The following CFAP61 variants were observed in gnomAD, a reference collection of about 807,000 sequenced individuals.
CFAP61 encodes the protein cilia and flagella associated protein 61, also known as cilia- and flagella-associated protein 61.
A neutral mutation model predicts 135.6 loss-of-function variants in CFAP61; 107 were observed. The observed-to-expected ratio is 0.79, with a 90% CI of 0.67 to 0.93. The LOEUF (loss-of-function observed/expected upper bound fraction) is 0.93, where lower values mean the gene tolerates loss of function less well. Ranked by LOEUF, CFAP61 falls within the 40% of genes least tolerant of loss-of-function variation. The probability of loss-of-function intolerance (pLI) is 0.00; values close to 1 mark genes in which losing one functional copy is unlikely to be tolerated. For missense variants in CFAP61, 1,507 were observed against 1,556.2 expected (o/e 0.97, Z 0.53); for synonymous variants, 575 against 578.5 (o/e 0.99, Z 0.09).
chr20:20,314,006 C>A, intron 25 of CFAP61, among the ~76,000 whole-genome samples: 1 of 152,236 alleles, frequency 6.6e-6, no homozygotes, highest in African/African-American at 2.4e-5. Context: ...AGAATGGCAC[C>A]AGCTATTCAT....
In CFAP61 at chr20:20,169,284, T is replaced by A. The variant is rs556323017; in HGVS notation, c.1246-37T>A. ...AATTTGTTTTTTGATTAATTTTTTT[T>A]ATTCTTTCTCTGTGTCCTGGTTTTT... On this transcript the variant is annotated intron_variant, in intron 12 of 26. Coordinates refer to ENST00000245957, the MANE Select transcript of CFAP61 (RefSeq NM_015585.4). The A allele has an allele frequency of 6.9e-5, 109 of 1,569,218 alleles. 1 individual carries two copies. The South Asian group carries it at 1.1e-3, about 15-fold the overall frequency.
At chr20:20,203,838 G>A (rs1383323877) in intron 17 of CFAP61, among the ~76,000 whole-genome samples, 3 of 152,050 alleles carry the variant, frequency 2.0e-5, no homozygotes, top group African/African-American at 4.8e-5. Flanking sequence ...TATTAAATGG[G>A]GGTAGATGAG....
intron 13 of CFAP61, chr20:20,172,306 T>G: frequency 1.0e-6 from 1 of 961,078 alleles, no homozygotes; most frequent in African/African-American, 2.0e-5. Flanking sequence ...TTGATTTTTT[T>G]GTTTTAATTA....
intron 17 of CFAP61, among the ~76,000 whole-genome samples, chr20:20,207,710 A>G (rs897664886): frequency 6.6e-6 from 1 of 152,240 alleles, no homozygotes; most frequent in Non-Finnish European, 1.5e-5. Context: ...TTTCCCCTTG[A>G]TTAAAAATAA....
chr20:20,085,553 C>T (rs777463670), intron 6 of CFAP61: 2 of 1,363,216 alleles, frequency 1.5e-6, no homozygotes, highest in Non-Finnish European at 2.0e-6. Context: ...TTATGGATAA[C>T]TTTGTTAACG....
chr20:20,140,067 G>A (rs1443136624), intron 8 of CFAP61, among the ~76,000 whole-genome samples: 1 of 149,946 alleles, frequency 6.7e-6, no homozygotes, highest in Non-Finnish European at 1.5e-5. Context: ...TGGAAGAGTG[G>A]ATACCTTTGA....
At chr20:20,180,944 G>A (rs2055019555) in intron 13 of CFAP61, among the ~76,000 whole-genome samples, 1 of 151,976 alleles carries the variant, frequency 6.6e-6, no homozygotes, top group African/African-American at 2.4e-5. Context: ...TTATAGGTGG[G>A]AGCTAAATTA....
At chr20:20,163,584 G>GT (rs11451536) in intron 10 of CFAP61, among the ~76,000 whole-genome samples, 51,850 of 149,600 alleles carry the variant, frequency 0.35, 9,061 homozygotes, top group Middle Eastern at 0.5. Context: ...GTGAGAACTA[G>GT]TTTTTTTTTT....
intron 6 of CFAP61, among the ~76,000 whole-genome samples, chr20:20,078,951 G>A (rs1395467982): frequency 6.6e-6 from 1 of 151,970 alleles, no homozygotes; most frequent in African/African-American, 2.4e-5. Flanking sequence ...ATTAATATGG[G>A]GACATTACAG....
Position 20,164,130 on chromosome 20 carries a change from A to G in CFAP61, c.1107A>G (p.Val369=). Residue 369 remains valine (V), a synonymous_variant, in exon 11 of 27, where the codon GTA becomes GTG. Coordinates refer to ENST00000245957, the MANE Select transcript of CFAP61 (RefSeq NM_015585.4). ...GCAGTAGGAGCTTGGCATCGCTCGT[A>G]CTGCCTGAAGAGCCCGTCCACTTCC... ...HVSSRSLASL[V]LPEEPVHFRP... is the part of the protein sequence containing the mutation. The G allele has an allele frequency of 6.2e-7, 1 of 1,614,108 alleles. No homozygotes were observed. Among genetic ancestry groups the G allele is most frequent in the South Asian group, 1.1e-5 (1 of 91,078 alleles).
At chr20:20,311,751 C>T (rs1306529914) in intron 25 of CFAP61, among the ~76,000 whole-genome samples, 1 of 152,156 alleles carries the variant, frequency 6.6e-6, no homozygotes. Context: ...CAGTTGAGTA[C>T]TGGTCAGTCC....
At chr20:20,139,611 C>T (rs2051209937) in intron 8 of CFAP61, among the ~76,000 whole-genome samples, 1 of 152,184 alleles carries the variant, frequency 6.6e-6, no homozygotes, top group Non-Finnish European at 1.5e-5. Flanking sequence ...AGTAATTAAA[C>T]CTCGCAAGAC....
chr20:20,250,481 G>T (rs2050799166), intron 19 of CFAP61, among the ~76,000 whole-genome samples: 1 of 152,166 alleles, frequency 6.6e-6, no homozygotes, highest in Non-Finnish European at 1.5e-5. Flanking sequence ...CATAGAAGTG[G>T]CGCGTGCCTC....
intron 2 of CFAP61, among the ~76,000 whole-genome samples, chr20:20,058,643 G>A (rs2044555457): frequency 6.6e-6 from 1 of 152,088 alleles, no homozygotes; most frequent in African/African-American, 2.4e-5. Context: ...GAATAGAGGG[G>A]GATAAAGTCT....
At chr20:20,100,720 T>G (rs1271104684) in intron 8 of CFAP61, among the ~76,000 whole-genome samples, 1 of 152,196 alleles carries the variant, frequency 6.6e-6, no homozygotes, top group Non-Finnish European at 1.5e-5. Context: ...TGCTACTGTT[T>G]CCTACATAGA....
At chr20:20,344,038 T>G (rs2058546460) in intron 26 of CFAP61, among the ~76,000 whole-genome samples, 1 of 152,024 alleles carries the variant, frequency 6.6e-6, no homozygotes, top group African/African-American at 2.4e-5. Context: ...TTCCAGAAAA[T>G]GAAACCTCCG....
At chr20:20,247,572 A>G (rs1431802958) in intron 19 of CFAP61, among the ~76,000 whole-genome samples, 1 of 152,214 alleles carries the variant, frequency 6.6e-6, no homozygotes, top group Admixed American at 6.5e-5. Context: ...ATTAAATGAG[A>G]TGAAAAAGTC....
intron 18 of CFAP61, among the ~76,000 whole-genome samples, chr20:20,233,735 G>A (rs1416043831): frequency 6.6e-6 from 1 of 152,188 alleles, no homozygotes; most frequent in Non-Finnish European, 1.5e-5. Flanking sequence ...TGTAATTAAT[G>A]TTAAATAAAA....
chr20:20,179,212 C>T (rs533681634), intron 13 of CFAP61, among the ~76,000 whole-genome samples: 1 of 152,248 alleles, frequency 6.6e-6, no homozygotes, highest in East Asian at 1.9e-4. Flanking sequence ...GCAAAAATCA[C>T]TAATATTCCT....
Sources: allele counts gnomAD v4.1 joint callset (sites outside exome capture counted in the v4.1 genomes callset), GRCh38; gene constraint gnomAD v4.1.1; transcripts MANE v1.5; gene names NCBI Gene and HGNC (gene_info 2026-07-23, HGNC 2026-07-21).